Variants in INPP5A observed in about 807,000 individuals in gnomAD.
The protein encoded by INPP5A is 43 kDa inositol polyphosphate 5-phophatase.
Under a neutral mutation model 65.2 loss-of-function variants are expected in INPP5A, and 14 were observed. The observed-to-expected ratio is 0.21, with a 90% CI of 0.14 to 0.34. The LOEUF (loss-of-function observed/expected upper bound fraction) is 0.34. INPP5A is among the 10% of genes least tolerant of loss of function. The pLI, the probability that INPP5A is intolerant of heterozygous loss-of-function variation, is 1.00. For missense variants in INPP5A, 431 were observed against 545.6 expected (o/e 0.79, Z 2.09); for synonymous variants, 207 against 208.3 (o/e 0.99, Z 0.05).
At chr10:132,718,404 T>G (rs1845786212) in intron 8 of INPP5A, among the ~76,000 whole-genome samples, 4 of 149,206 alleles carry the variant, frequency 2.7e-5, no homozygotes, top group Admixed American at 2.0e-4. Context: ...CTTAGACGAC[T>G]GTCTTGCGGG....
intron 2 of INPP5A, among the ~76,000 whole-genome samples, chr10:132,630,573 A>AAGACGTCCATGAGG (rs1564941081): frequency 8.6e-5 from 11 of 128,520 alleles, no homozygotes; most frequent in South Asian, 2.7e-4. Context: ...CATCCATGAG[A>AAGACGTCCATGAGG]GGAAGACGTC....
rs1247818333 is a variant in INPP5A, at chr10:132,698,458, C to CA, written c.474+540dup. On this transcript the variant is annotated intron_variant, in intron 6 of 15. Transcript: ENST00000368594. The surrounding 1 kb of genome is among the most constrained non-coding windows in gnomAD (Gnocchi z 5.5). ...TGGAAGGCATTTGTCGTCTCACTGCCAGACACGGTGTTGATGAGAAATTGG... is the reference window on the plus strand; with the variant it reads ...TGGAAGGCATTTGTCGTCTCACTGCCAAGACACGGTGTTGATGAGAAATTGG... Among the ~76,000 whole-genome samples the CA allele has an allele frequency of 1.3e-5, 2 of 152,252 alleles. No individual in the cohort carries two copies. The highest frequency in any genetic ancestry group is 4.8e-5 in the African/African-American group (2 of 41,462).
In INPP5A at chr10:132,698,471, G is replaced by C. The variant is rs1306920987; in HGVS notation, c.474+552G>C. Among the ~76,000 whole-genome samples, 5 of 152,258 alleles carry C rather than the reference G, an allele frequency of 3.3e-5. No homozygotes were observed. The highest frequency in any genetic ancestry group is 1.2e-4 in the African/African-American group (5 of 41,468). On this transcript the variant is annotated intron_variant, in intron 6 of 15. Transcript: ENST00000368594. The surrounding 1 kb of genome is among the most constrained non-coding windows in gnomAD (Gnocchi z 5.5). ...TCGTCTCACTGCCAGACACGGTGTTGATGAGAAATTGGTGTTTCCTTCTGG... is the reference window on the plus strand; with the variant it reads ...TCGTCTCACTGCCAGACACGGTGTTCATGAGAAATTGGTGTTTCCTTCTGG...
At chr10:132,732,774 G>A (rs559346694) in intron 9 of INPP5A, among the ~76,000 whole-genome samples, 15 of 152,280 alleles carry the variant, frequency 9.9e-5, no homozygotes, top group South Asian at 8.3e-4. Flanking sequence ...TGGCCATGTC[G>A]CTTCCTGTGG....
chr10:132,606,517 A>G (rs960226873), intron 1 of INPP5A, among the ~76,000 whole-genome samples: 35 of 152,310 alleles, frequency 2.3e-4, no homozygotes, highest in African/African-American at 7.9e-4. Context: ...GCCTGGAGCC[A>G]GGGTGTTCTC....
intron 2 of INPP5A, among the ~76,000 whole-genome samples, chr10:132,612,887 G>A (rs961724560): frequency 2.6e-5 from 4 of 152,172 alleles, no homozygotes; most frequent in East Asian, 1.9e-4. Flanking sequence ...AGGAGGGGCC[G>A]GCAGTGGGGA....
intron 2 of INPP5A, among the ~76,000 whole-genome samples, chr10:132,634,326 ATCTCCCTTGGTG>A (rs1270323526): frequency 3.4e-5 from 5 of 145,278 alleles, no homozygotes; most frequent in African/African-American, 1.3e-4. Context: ...GAGGCGTATC[ATCTCCCTTGGTG>A]GGTGTGCCCC....
intron 1 of INPP5A, among the ~76,000 whole-genome samples, chr10:132,539,952 G>C (rs58551819): frequency 0.088 from 13,381 of 152,168 alleles, 563 homozygotes; most frequent in Non-Finnish European, 0.093. Context: ...GGAGGAACTG[G>C]TTTTCCTCAC....
chr10:132,701,118 C>T (rs956709454), intron 6 of INPP5A, among the ~76,000 whole-genome samples: 2 of 152,232 alleles, frequency 1.3e-5, no homozygotes, highest in Admixed American at 6.5e-5. Flanking sequence ...CGCAGCCTCT[C>T]TTTTCTCCGT....
At chr10:132,768,255 C>CTG (rs137951996) in intron 12 of INPP5A, among the ~76,000 whole-genome samples, 2 of 82,122 alleles carry the variant, frequency 2.4e-5, no homozygotes, top group South Asian at 4.4e-4. Context: ...GGTGCCCACG[C>CTG]GCCCAGTGGC....
chr10:132,755,065 G>A (rs1476063141), intron 11 of INPP5A, among the ~76,000 whole-genome samples: 14 of 151,940 alleles, frequency 9.2e-5, no homozygotes, highest in East Asian at 1.9e-4. Context: ...GATCATATGC[G>A]TGTGTGTGAT....
At chr10:132,716,929 ACTCATCGAAGGGAG>A (rs1337143552) in intron 8 of INPP5A, among the ~76,000 whole-genome samples, 1 of 152,092 alleles carries the variant, frequency 6.6e-6, no homozygotes, top group Non-Finnish European at 1.5e-5. Context: ...GTGGGGATGG[ACTCATCGAAGGGAG>A]TGTGGGCTTT....
At chr10:132,635,653 C>T (rs2133379042) in intron 2 of INPP5A, among the ~76,000 whole-genome samples, 1 of 151,762 alleles carries the variant, frequency 6.6e-6, no homozygotes, top group East Asian at 1.9e-4. Context: ...CCTCAGCCTC[C>T]CAAAGTGCTG....
At chr10:132,539,588 GTGCCACCC>G (rs2070883189) in intron 1 of INPP5A, among the ~76,000 whole-genome samples, 1 of 152,192 alleles carries the variant, frequency 6.6e-6, no homozygotes, top group African/African-American at 2.4e-5. Context: ...TTCAGCCACG[GTGCCACCC>G]TGCTGTTGGT....
intron 8 of INPP5A, among the ~76,000 whole-genome samples, chr10:132,721,400 G>T (rs1241404940): frequency 1.4e-5 from 2 of 142,262 alleles, no homozygotes; most frequent in Admixed American, 7.4e-5. Context: ...GTGGTGCCTG[G>T]GTTCTGTCTG....
intron 11 of INPP5A, among the ~76,000 whole-genome samples, chr10:132,759,012 T>G (rs1002338895): frequency 6.6e-6 from 1 of 152,244 alleles, no homozygotes; most frequent in Non-Finnish European, 1.5e-5. Flanking sequence ...ACAGTGATAT[T>G]GAACTCTGTT....
In INPP5A at chr10:132,741,546, C is replaced by G. The variant is rs539476848; in HGVS notation, c.733-7971C>G. Among the ~76,000 whole-genome samples the G allele has an allele frequency of 6.6e-6, 1 of 152,194 alleles. No individual in the cohort carries two copies. Among genetic ancestry groups the G allele is most frequent in the African/African-American group, 2.4e-5 (1 of 41,440 alleles). ...GTCCACTCCACAGAACCCTGGCCCT[C>G]GTCACACCCAGAAGAGGATGCCCCA... On this transcript the variant is annotated intron_variant, in intron 9 of 15. Transcript: ENST00000368594. The surrounding 1 kb of genome is among the most constrained non-coding windows in gnomAD (Gnocchi z 4.4).
intron 2 of INPP5A, among the ~76,000 whole-genome samples, chr10:132,611,412 T>C (rs915260356): frequency 1.5e-5 from 1 of 67,862 alleles, no homozygotes; most frequent in African/African-American, 6.1e-5. Flanking sequence ...CAGAGGAGGG[T>C]GTGGGAGGTG....
intron 1 of INPP5A, among the ~76,000 whole-genome samples, chr10:132,590,572 T>C (rs998909793): frequency 1.3e-5 from 2 of 152,154 alleles, no homozygotes; most frequent in Admixed American, 1.3e-4. Flanking sequence ...ACCACCATGC[T>C]GGTCGCACCC....
Sources: gnomAD v4.1 joint callset for allele counts (sites outside exome capture counted in the v4.1 genomes callset) on GRCh38, gnomAD v4.1.1 for gene constraint, Gnocchi (gnomAD v3.1) non-coding constraint, MANE v1.5 for transcripts, NCBI Gene and HGNC (gene_info 2026-07-23, HGNC 2026-07-21) for gene names.